The following ASIC2 variants were observed in gnomAD, a reference collection of about 807,000 sequenced individuals.
The protein encoded by ASIC2 is acid sensing ion channel subunit 2, also known as acid-sensing ion channel 2.
Under a neutral mutation model 57.3 loss-of-function variants are expected in ASIC2, and 25 were observed. The ratio of observed to expected loss-of-function variants is 0.44; its 90% confidence interval spans 0.32 to 0.61. The LOEUF (loss-of-function observed/expected upper bound fraction) is 0.61, where lower values mean the gene tolerates loss of function less well. Among genes scored for constraint, ASIC2 ranks in the 20% least tolerant of loss-of-function variants. The probability of loss-of-function intolerance (pLI) is 0.06; values close to 1 mark genes in which losing one functional copy is unlikely to be tolerated. For missense variants in ASIC2, 641 were observed against 738.1 expected (o/e 0.87, Z 1.52); for synonymous variants, 319 against 307.5 (o/e 1.04, Z -0.39).
chr17:33,102,143 C>T (rs985735366), intron 2 of ASIC2, among the ~76,000 whole-genome samples: 8 of 152,190 alleles, frequency 5.3e-5, no homozygotes, highest in African/African-American at 1.9e-4. Context: ...CTTATGCAAT[C>T]CTTGATTTAC....
At chr17:33,918,043 T>C (rs1305639141) in intron 1 of ASIC2, among the ~76,000 whole-genome samples, 1 of 152,134 alleles carries the variant, frequency 6.6e-6, no homozygotes, top group Admixed American at 6.5e-5. Flanking sequence ...CAATATTATT[T>C]TTGCTTTCCT....
At chr17:33,515,469 C>T (rs1183901135) in intron 1 of ASIC2, among the ~76,000 whole-genome samples, 1 of 152,306 alleles carries the variant, frequency 6.6e-6, no homozygotes, top group African/African-American at 2.4e-5. Flanking sequence ...CTCTCTCAGC[C>T]CTGTTTTCTT....
At chr17:33,470,158 T>C (rs1207223585) in intron 1 of ASIC2, among the ~76,000 whole-genome samples, 2 of 152,152 alleles carry the variant, frequency 1.3e-5, no homozygotes, top group Non-Finnish European at 2.9e-5. Context: ...AACTAGGCCA[T>C]GTAGGAGAGT....
At chr17:33,533,366 C>T (rs1915120209) in intron 1 of ASIC2, 1 of 152,094 alleles carries the variant, frequency 6.6e-6, no homozygotes, top group Non-Finnish European at 1.5e-5. Flanking sequence ...AGCTTTGTTT[C>T]AGTATGCTCT....
intron 1 of ASIC2, among the ~76,000 whole-genome samples, chr17:33,424,677 AT>A: frequency 1.3e-5 from 2 of 152,268 alleles, no homozygotes; most frequent in South Asian, 4.2e-4. Context: ...AACTTTCATT[AT>A]TTTTCACCTC....
chr17:33,506,993 T>C (rs140557206), intron 1 of ASIC2, among the ~76,000 whole-genome samples: 1 of 152,236 alleles, frequency 6.6e-6, no homozygotes, highest in East Asian at 1.9e-4. Context: ...GGAGACAGGA[T>C]GTTAACAGCC....
chr17:33,264,108 G>GT (rs1216482312), intron 1 of ASIC2, among the ~76,000 whole-genome samples: 1 of 152,220 alleles, frequency 6.6e-6, no homozygotes, highest in Non-Finnish European at 1.5e-5. Flanking sequence ...GTGACACAAT[G>GT]TGAGTGCAAT....
intron 3 of ASIC2, among the ~76,000 whole-genome samples, chr17:33,060,768 C>T (rs967814859): frequency 1.3e-4 from 20 of 152,236 alleles, no homozygotes; most frequent in South Asian, 4.1e-4. Flanking sequence ...GCCATTTTCA[C>T]GATATTGATT....
chr17:33,791,295 C>T (rs1216956288), intron 1 of ASIC2, among the ~76,000 whole-genome samples: 4 of 152,154 alleles, frequency 2.6e-5, no homozygotes, highest in Admixed American at 6.5e-5. Flanking sequence ...ACTCTGAGAT[C>T]GGCTAGTTCA....
chr17:33,681,907 G>A (rs923629889), intron 1 of ASIC2, among the ~76,000 whole-genome samples: 1 of 152,110 alleles, frequency 6.6e-6, no homozygotes, highest in Non-Finnish European at 1.5e-5. Flanking sequence ...CTGGAACATG[G>A]TGGAGCCTCA....
chr17:33,202,426 G>A (rs966551013), intron 1 of ASIC2, among the ~76,000 whole-genome samples: 1 of 152,204 alleles, frequency 6.6e-6, no homozygotes, highest in Non-Finnish European at 1.5e-5. Context: ...GATATTAAGT[G>A]TGAGATGGGA....
chr17:33,212,498 T>G (rs1370039014), intron 1 of ASIC2, among the ~76,000 whole-genome samples: 1 of 152,244 alleles, frequency 6.6e-6, no homozygotes. Context: ...GCAAGACTCC[T>G]TTCAGACTTC....
At chr17:33,373,465 C>G (rs1258663317) in intron 1 of ASIC2, among the ~76,000 whole-genome samples, 2 of 152,202 alleles carry the variant, frequency 1.3e-5, no homozygotes, top group African/African-American at 4.8e-5. Context: ...TAACAGTATT[C>G]CCCTCCCTGT....
intron 1 of ASIC2, chr17:33,581,454 A>C (rs559794606): frequency 6.6e-6 from 1 of 152,330 alleles, no homozygotes; most frequent in East Asian, 1.9e-4. Context: ...TACTGGAAGG[A>C]GGGCCTTGAG....
At chr17:33,735,546 T>C (rs1909884271) in intron 1 of ASIC2, among the ~76,000 whole-genome samples, 2 of 152,078 alleles carry the variant, frequency 1.3e-5, no homozygotes, top group African/African-American at 4.8e-5. Flanking sequence ...TGGAGTCACA[T>C]AGTGTGGGTG....
chr17:33,974,129 T>C (rs1036667120), intron 1 of ASIC2, among the ~76,000 whole-genome samples: 2 of 152,116 alleles, frequency 1.3e-5, no homozygotes, highest in Non-Finnish European at 2.9e-5. Context: ...GGTTTTTTTT[T>C]TCTCCTCAAA....
chr17:33,689,846 G>T (rs1057474958), intron 1 of ASIC2, among the ~76,000 whole-genome samples: 1 of 152,188 alleles, frequency 6.6e-6, no homozygotes, highest in Admixed American at 6.5e-5. Context: ...GGAGTGAGGT[G>T]GCCACAAGCC....
intron 1 of ASIC2, among the ~76,000 whole-genome samples, chr17:34,017,347 G>GTCATTC (rs2142026128): frequency 6.6e-6 from 1 of 152,236 alleles, no homozygotes; most frequent in South Asian, 2.1e-4. Context: ...TAACCAACTA[G>GTCATTC]TCATTCTCCT....
intron 1 of ASIC2, among the ~76,000 whole-genome samples, chr17:33,950,442 C>G (rs940388185): frequency 4.6e-5 from 7 of 152,254 alleles, no homozygotes; most frequent in African/African-American, 1.7e-4. Context: ...TATTCTGCTG[C>G]CTGTCACTGG....
Sources: gnomAD v4.1 joint callset for allele counts (sites outside exome capture counted in the v4.1 genomes callset) on GRCh38, gnomAD v4.1.1 for gene constraint, MANE v1.5 for transcripts, NCBI Gene and HGNC (gene_info 2026-07-23, HGNC 2026-07-21) for gene names.